SPSB4: variants seen among roughly 807,000 people sequenced by gnomAD.
SPSB4 encodes the protein SPRY domain-containing SOCS box protein 4.
In SPSB4, 21 loss-of-function variants were observed where a neutral mutation model predicts 20.9. The ratio of observed to expected loss-of-function variants is 1.01; its 90% CI spans 0.71 to 1.45. The LOEUF is 1.45. Ranked by LOEUF, SPSB4 falls within the 40% of genes most tolerant of loss-of-function variation. The probability of loss-of-function intolerance (pLI) is 0.00; values close to 1 mark genes in which losing one functional copy is unlikely to be tolerated. For missense variants in SPSB4, 399 were observed against 399.2 expected, an observed-to-expected ratio of 1.00 and a Z score of 0.00; for synonymous variants, 207 against 183.8, an observed-to-expected ratio of 1.13 and a Z score of -1.02.
rs73234868 is a variant in SPSB4, at chr3:141,104,851, G to A, written c.694+38053G>A. On this transcript the variant is annotated intron_variant, in intron 2 of 2. Transcript: ENST00000310546. ...GCGTCACAGAATTTGCGCCGTTAGA[G>A]TTGAGGAGGTTTGAAGTGAACCAAT... 4.1e-3 allele frequency among the ~76,000 whole-genome samples: 618 copies of A among 152,360 alleles called. 4 individuals are homozygous for A. The highest frequency in any genetic ancestry group is 6.6e-3 in the Non-Finnish European group (446 of 68,038).
intron 1 of SPSB4, among the ~76,000 whole-genome samples, chr3:141,057,744 A>G (rs1937681788): frequency 6.6e-6 from 1 of 152,238 alleles, no homozygotes; most frequent in South Asian, 2.1e-4. Flanking sequence ...TGAAAGCCTC[A>G]GAGAACCTGT....
intron 2 of SPSB4, among the ~76,000 whole-genome samples, chr3:141,134,802 G>A (rs1240466284): frequency 3.3e-5 from 5 of 151,364 alleles, no homozygotes; most frequent in African/African-American, 7.3e-5. Context: ...GTCCTTTCCC[G>A]GTTTTGGTAT....
chr3:141,103,409 T>C (rs1938642590), intron 2 of SPSB4, among the ~76,000 whole-genome samples: 1 of 152,124 alleles, frequency 6.6e-6, no homozygotes, highest in Non-Finnish European at 1.5e-5. Flanking sequence ...CCCAAGGAAA[T>C]GGCAGCATCG....
At chr3:141,112,394 C>T (rs913787896) in intron 2 of SPSB4, among the ~76,000 whole-genome samples, 5 of 151,934 alleles carry the variant, frequency 3.3e-5, no homozygotes, top group African/African-American at 7.3e-5. Context: ...GCCTGTAATC[C>T]CAGCACTTTG....
intron 2 of SPSB4, among the ~76,000 whole-genome samples, chr3:141,071,501 C>T (rs1240722974): frequency 6.6e-6 from 1 of 151,822 alleles, no homozygotes; most frequent in Non-Finnish European, 1.5e-5. Context: ...CTTTTCGTCG[C>T]AATAAGTCAT....
intron 2 of SPSB4, among the ~76,000 whole-genome samples, chr3:141,141,857 T>A (rs1297016207): frequency 6.6e-6 from 1 of 152,220 alleles, no homozygotes; most frequent in Admixed American, 6.5e-5. Context: ...TCCCCATGAA[T>A]GCACTTTTGT....
intron 2 of SPSB4, among the ~76,000 whole-genome samples, chr3:141,129,269 C>A (rs1559855440): frequency 6.6e-6 from 1 of 152,226 alleles, no homozygotes; most frequent in Non-Finnish European, 1.5e-5. Flanking sequence ...GCTCCAGGAG[C>A]CTCTCCCAAA....
chr3:141,136,215 G>A (rs1423710078), intron 2 of SPSB4, among the ~76,000 whole-genome samples: 1 of 152,150 alleles, frequency 6.6e-6, no homozygotes, highest in Non-Finnish European at 1.5e-5. Flanking sequence ...ATTTGTTTGA[G>A]TTCTTTGTAG....
At chr3:141,129,918 G>A (rs1169820867) in intron 2 of SPSB4, among the ~76,000 whole-genome samples, 1 of 152,240 alleles carries the variant, frequency 6.6e-6, no homozygotes, top group Admixed American at 6.5e-5. Context: ...CACCTGGGCT[G>A]TGGGGACCAT....
In SPSB4 at chr3:141,147,199, G is replaced by A. The variant is rs79933965; in HGVS notation, c.752G>A (p.Arg251His). 29 of 1,614,038 alleles carry A rather than the reference G, an allele frequency of 1.8e-5. No individual in the cohort carries two copies. Among genetic ancestry groups the A allele is most frequent in the East Asian group, 2.2e-5 (1 of 44,890 alleles). The change falls in exon 3 of 3, where the codon CGC becomes CAC. Residue 251 changes from arginine to histidine, a missense_variant. Transcript: ENST00000310546. ...CRRSIRSALG[R>H]QRLQDISSLP... ...AGATCCATCCGCTCGGCCCTGGGCC[G>A]CCAGCGCCTGCAGGACATCAGCTCC...
intron 2 of SPSB4, among the ~76,000 whole-genome samples, chr3:141,134,063 T>C (rs1432816811): frequency 6.3e-5 from 9 of 141,898 alleles, no homozygotes; most frequent in East Asian, 2.0e-4. Context: ...TTTCTTTTTT[T>C]TTTTTTTTTT....
chr3:141,132,170 CTTTG>C (rs1939142854), intron 2 of SPSB4: 1 of 432,222 alleles, frequency 2.3e-6, no homozygotes, highest in Non-Finnish European at 4.6e-6. Flanking sequence ...TCCATTATAT[CTTTG>C]TTTTTTTTTT....
At chr3:141,110,833 A>G (rs1423776394) in intron 2 of SPSB4, among the ~76,000 whole-genome samples, 2 of 152,254 alleles carry the variant, frequency 1.3e-5, no homozygotes, top group Non-Finnish European at 2.9e-5. Flanking sequence ...TCAGAGGGCA[A>G]GAGCCAGAAT....
intron 2 of SPSB4, among the ~76,000 whole-genome samples, chr3:141,096,278 A>G (rs1460995428): frequency 6.6e-6 from 1 of 152,242 alleles, no homozygotes; most frequent in Admixed American, 6.5e-5. Flanking sequence ...CAAAGGAGGT[A>G]CATGACTTGT....
intron 1 of SPSB4, among the ~76,000 whole-genome samples, chr3:141,059,322 A>T (rs1937719235): frequency 6.6e-6 from 1 of 152,224 alleles, no homozygotes; most frequent in Non-Finnish European, 1.5e-5. Flanking sequence ...GAAATACCTA[A>T]GACTGAGTAA....
intron 2 of SPSB4, among the ~76,000 whole-genome samples, chr3:141,095,856 T>C (rs1938539617): frequency 6.6e-6 from 1 of 152,114 alleles, no homozygotes; most frequent in Admixed American, 6.5e-5. Flanking sequence ...AGGAGACTCC[T>C]GAGAGCAAGT....
intron 1 of SPSB4, among the ~76,000 whole-genome samples, chr3:141,059,456 G>A (rs1576513316): frequency 8.2e-6 from 1 of 121,254 alleles, no homozygotes; most frequent in Admixed American, 8.0e-5. Context: ...GAAGGTGAAG[G>A]AGGAGAAGGC....
At chr3:141,099,270 T>C (rs144092676) in intron 2 of SPSB4, among the ~76,000 whole-genome samples, 1,562 of 151,858 alleles carry the variant, frequency 0.01, 23 homozygotes, top group African/African-American at 0.036. Flanking sequence ...CTGCAAGCTC[T>C]GCCTCCTGGG....
At chr3:141,140,466 C>G (rs1167075397) in intron 2 of SPSB4, among the ~76,000 whole-genome samples, 1 of 152,154 alleles carries the variant, frequency 6.6e-6, no homozygotes, top group Non-Finnish European at 1.5e-5. Context: ...GTGGTTTTAT[C>G]TATGTTTGGT....
Sources: gnomAD v4.1 joint callset for allele counts (sites outside exome capture counted in the v4.1 genomes callset) on GRCh38, gnomAD v4.1.1 for gene constraint, MANE v1.5 for transcripts, NCBI Gene and HGNC (gene_info 2026-07-23, HGNC 2026-07-21) for gene names.